Variants in SNTG1 observed in about 807,000 individuals in gnomAD.
The protein encoded by SNTG1 is syntrophin gamma 1, also known as gamma-1-syntrophin.
SNTG1 carries 39 observed loss-of-function variants against 74.7 expected under a neutral mutation model. That is an observed-to-expected ratio of 0.52 (90% CI 0.40 to 0.68). The LOEUF (loss-of-function observed/expected upper bound fraction) is 0.68, where lower values mean the gene tolerates loss of function less well. Ranked by LOEUF, SNTG1 falls within the 30% of genes least tolerant of loss-of-function variation. The pLI, the probability that SNTG1 is intolerant of heterozygous loss-of-function variation, is 0.00. For synonymous variants in SNTG1, 254 were observed against 217.1 expected, an observed-to-expected ratio of 1.17 and a Z score of -1.49; for missense variants, 685 against 609.5, an observed-to-expected ratio of 1.12 and a Z score of -1.30.
chr8:50,677,497 G>A (rs1276064841), intron 15 of SNTG1, among the ~76,000 whole-genome samples: 1 of 151,858 alleles, frequency 6.6e-6, no homozygotes, highest in Non-Finnish European at 1.5e-5. Flanking sequence ...CTTAGAATGA[G>A]AATTACTTTT....
chr8:50,618,257 C>G (rs6998737), intron 13 of SNTG1, among the ~76,000 whole-genome samples: 26,329 of 152,076 alleles, frequency 0.17, 5,501 homozygotes, highest in African/African-American at 0.5. Flanking sequence ...GTAACTGTTC[C>G]TTTGTTCTCC....
intron 13 of SNTG1, among the ~76,000 whole-genome samples, chr8:50,633,048 C>T (rs2095013322): frequency 6.6e-6 from 1 of 152,130 alleles, no homozygotes; most frequent in South Asian, 2.1e-4. Context: ...AGATGAGGGC[C>T]TCATTAATCA....
rs184195616 is a variant in SNTG1, at chr8:50,267,421, C to T, written c.-28+94786C>T. The stretch of plus-strand genomic sequence containing the variant: ...ATACACATGAGAAGATATTCAACAT[C>T]GCCAGTAATCAGAGAAATTCAAGTC... On this transcript the variant is annotated intron_variant, in intron 2 of 18. Transcript: ENST00000642720. Among the ~76,000 whole-genome samples the T allele has an allele frequency of 1.1e-3, 171 of 152,142 alleles. 1 individual carries two copies. Among genetic ancestry groups the T allele is most frequent in the African/African-American group, 3.8e-3 (159 of 41,514 alleles).
intron 11 of SNTG1, among the ~76,000 whole-genome samples, chr8:50,552,313 A>T (rs192538452): frequency 3.3e-5 from 5 of 152,348 alleles, no homozygotes; most frequent in Non-Finnish European, 5.9e-5. Flanking sequence ...TTTTAAATTC[A>T]ATAGCACTTT....
Position 49,957,489 on chromosome 8 carries a change from G to A in SNTG1, c.-103+45258G>A, listed in dbSNP as rs748601644. Among the ~76,000 whole-genome samples, 3 of 152,140 alleles carry A rather than the reference G, an allele frequency of 2.0e-5. No individual in the cohort carries two copies. The South Asian group carries it at 6.2e-4, about 31-fold the overall frequency. ...AGTTGGTCTAGCCTCATGTAGGGGG[G>A]TAAGTGTGTCATGATTAGTGTGTCT... On this transcript the variant is annotated intron_variant, in intron 1 of 18. Coordinates refer to ENST00000642720, the MANE Select transcript of SNTG1 (RefSeq NM_018967.5).
intron 2 of SNTG1, among the ~76,000 whole-genome samples, chr8:50,363,743 T>A (rs1365580454): frequency 6.6e-6 from 1 of 151,904 alleles, no homozygotes; most frequent in Non-Finnish European, 1.5e-5. Context: ...ATTTTAAGAG[T>A]TTTTGTAGGT....
At chr8:50,171,148 G>A (rs1268797695) in intron 1 of SNTG1, among the ~76,000 whole-genome samples, 1 of 152,102 alleles carries the variant, frequency 6.6e-6, no homozygotes, top group African/African-American at 2.4e-5. Flanking sequence ...GCATTTCAGG[G>A]GCAAGAATCT....
chr8:50,710,240 C>A (rs911697514), intron 17 of SNTG1, among the ~76,000 whole-genome samples: 6 of 152,116 alleles, frequency 3.9e-5, no homozygotes, highest in African/African-American at 1.4e-4. Context: ...CACATCATGA[C>A]AAAGGAATAC....
intron 2 of SNTG1, among the ~76,000 whole-genome samples, chr8:50,198,844 A>G (rs1300714153): frequency 1.3e-5 from 2 of 151,754 alleles, no homozygotes; most frequent in Non-Finnish European, 2.9e-5. Flanking sequence ...GTCTTTTCGT[A>G]GAGTATCAAC....
chr8:50,780,038 T>A (rs890401863), intron 18 of SNTG1, among the ~76,000 whole-genome samples: 6 of 152,222 alleles, frequency 3.9e-5, no homozygotes, highest in African/African-American at 1.2e-4. Flanking sequence ...CAGCCTTGCA[T>A]CCTAGGGATG....
intron 2 of SNTG1, among the ~76,000 whole-genome samples, chr8:50,338,096 T>C (rs1162243288): frequency 5.1e-5 from 7 of 136,348 alleles, no homozygotes; most frequent in Non-Finnish European, 4.9e-5. Flanking sequence ...AGATTGCGCC[T>C]GCACTCCAGA....
In SNTG1 at chr8:50,591,648, A is replaced by G. The variant is rs139961000; in HGVS notation, c.849+731A>G. Among the ~76,000 whole-genome samples, 617 of 152,304 alleles carry G rather than the reference A, an allele frequency of 4.1e-3. 4 individuals carry two copies. Among genetic ancestry groups the G allele is most frequent in the African/African-American group, 0.014 (574 of 41,568 alleles). On this transcript the variant is annotated intron_variant, in intron 13 of 18. Coordinates refer to ENST00000642720, the MANE Select transcript of SNTG1 (RefSeq NM_018967.5). ...ATCATCAAAGTTTCTAAATGTTTAC[A>G]CTTGTTCTTTGGAATACAGAATTTA... is the stretch of plus-strand genomic sequence containing the variant.
intron 1 of SNTG1, among the ~76,000 whole-genome samples, chr8:50,006,629 C>T (rs1815265514): frequency 6.6e-6 from 1 of 152,128 alleles, no homozygotes; most frequent in African/African-American, 2.4e-5. Flanking sequence ...GCTCTATTAG[C>T]TGTCTCACTT....
chr8:50,626,537 G>C (rs1488797515), intron 13 of SNTG1, among the ~76,000 whole-genome samples: 1 of 152,230 alleles, frequency 6.6e-6, no homozygotes, highest in African/African-American at 2.4e-5. Context: ...CCAGTGATAA[G>C]CATTATTTCT....
intron 2 of SNTG1, among the ~76,000 whole-genome samples, chr8:50,262,684 C>A (rs1267383685): frequency 6.6e-6 from 1 of 152,162 alleles, no homozygotes; most frequent in East Asian, 1.9e-4. Context: ...GCTGGGATTA[C>A]AGACGTGAGC....
intron 1 of SNTG1, among the ~76,000 whole-genome samples, chr8:49,941,075 G>A (rs1808642059): frequency 6.6e-6 from 1 of 152,030 alleles, no homozygotes; most frequent in Admixed American, 6.6e-5. Flanking sequence ...CATCTGAGTG[G>A]GGCACCCCCT....
intron 2 of SNTG1, among the ~76,000 whole-genome samples, chr8:50,279,519 A>G (rs2088310133): frequency 1.3e-5 from 2 of 152,196 alleles, no homozygotes; most frequent in African/African-American, 4.8e-5. Context: ...TATGAAATAC[A>G]TTTATCATAT....
At chr8:50,757,550 T>C (rs1015260992) in intron 18 of SNTG1, among the ~76,000 whole-genome samples, 23 of 151,920 alleles carry the variant, frequency 1.5e-4, no homozygotes, top group African/African-American at 5.3e-4. Context: ...TGACTTTTAA[T>C]CCATATATGC....
At chr8:50,450,839 G>T in intron 8 of SNTG1, 110 bp downstream of exon 8, 13 of 1,064,642 alleles carry the variant, frequency 1.2e-5, no homozygotes, top group East Asian at 2.7e-5. Flanking sequence ...CATTTATCCA[G>T]TTTGATATCA....
Sources: gnomAD v4.1 joint callset for allele counts (sites outside exome capture counted in the v4.1 genomes callset) on GRCh38, gnomAD v4.1.1 for gene constraint, MANE v1.5 for transcripts, NCBI Gene and HGNC (gene_info 2026-07-23, HGNC 2026-07-21) for gene names.